NALCN: variants seen among roughly 807,000 people sequenced by gnomAD.
NALCN encodes the protein sodium leak channel, non-selective.
A neutral mutation model predicts 225.3 loss-of-function variants in NALCN; 111 were observed. That is an observed-to-expected ratio of 0.49 (90% CI 0.42 to 0.58). The LOEUF (loss-of-function observed/expected upper bound fraction) is 0.58. NALCN is among the 20% of genes least tolerant of loss of function. The pLI, the probability that NALCN is intolerant of heterozygous loss-of-function variation, is 0.00. For missense variants in NALCN, 1,378 were observed against 2,202.4 expected, an observed-to-expected ratio of 0.63 and a Z score of 7.49; for synonymous variants, 764 against 769.0, an observed-to-expected ratio of 0.99 and a Z score of 0.11.
At chr13:101,323,788 C>T (rs2044841524) in intron 7 of NALCN, among the ~76,000 whole-genome samples, 1 of 152,194 alleles carries the variant, frequency 6.6e-6, no homozygotes, top group African/African-American at 2.4e-5. Context: ...CATGTACTAA[C>T]ATGTAAGTTA....
At chr13:101,302,325 T>TTTAC (rs1264222427) in intron 7 of NALCN, among the ~76,000 whole-genome samples, 2 of 152,132 alleles carry the variant, frequency 1.3e-5, no homozygotes. Flanking sequence ...TATTTATTTA[T>TTTAC]TTTTAATAGG....
intron 3 of NALCN, among the ~76,000 whole-genome samples, chr13:101,382,148 T>C (rs1385404305): frequency 1.3e-5 from 2 of 152,200 alleles, no homozygotes; most frequent in African/African-American, 4.8e-5. Context: ...GTAGCAGCAC[T>C]ACAATTACCC....
chr13:101,395,625 C>T (rs535887998), intron 2 of NALCN, among the ~76,000 whole-genome samples: 26 of 152,230 alleles, frequency 1.7e-4, no homozygotes, highest in Non-Finnish European at 3.4e-4. Flanking sequence ...TGTGGCCATG[C>T]GTTACAAAGA....
At chr13:101,389,009 G>A (rs17623214) in intron 3 of NALCN, among the ~76,000 whole-genome samples, 4,872 of 152,270 alleles carry the variant, frequency 0.032, 118 homozygotes, top group East Asian at 0.11. Flanking sequence ...GGAGTACTGT[G>A]AATAACAGAG....
At chr13:101,360,183 TC>T (rs1781944074) in intron 6 of NALCN, among the ~76,000 whole-genome samples, 9 of 116,854 alleles carry the variant, frequency 7.7e-5, no homozygotes, top group Admixed American at 5.5e-4. Context: ...CCTCTCTTCC[TC>T]TCTTCCTCTC....
intron 6 of NALCN, among the ~76,000 whole-genome samples, chr13:101,354,855 G>GACTCCT (rs945458242): frequency 1.3e-5 from 2 of 152,004 alleles, no homozygotes; most frequent in Non-Finnish European, 2.9e-5. Context: ...ACATACTAAC[G>GACTCCT]ACTCCCTGAT....
Position 101,110,676 on chromosome 13 carries a change from ATGTC to A in NALCN, c.2303_2306del (p.Arg768MetfsTer17). 6.2e-7 allele frequency: 1 copy of A among 1,614,112 alleles called. No individual in the cohort carries two copies. The highest frequency in any genetic ancestry group is 8.5e-7 in the Non-Finnish European group (1 of 1,179,968). On this transcript the variant is annotated frameshift_variant, in exon 20 of 44. Transcript: ENST00000251127. LOFTEE classifies it high-confidence loss of function. Reference sequence around the variant, plus strand: ...TGCTGATCCTCTGGCTGTTTGATCCATGTCTTAGTGACCTAAAACAACCACAGGC... The same window carrying A: ...TGCTGATCCTCTGGCTGTTTGATCCATTAGTGACCTAAAACAACCACAGGC...
chr13:101,260,899 T>G (rs2042402712), intron 10 of NALCN, among the ~76,000 whole-genome samples: 2 of 152,202 alleles, frequency 1.3e-5, no homozygotes. Context: ...TGTCCATTTT[T>G]GCTTTGGTTG....
chr13:101,279,360 T>C (rs2043070510), intron 10 of NALCN, among the ~76,000 whole-genome samples: 1 of 152,156 alleles, frequency 6.6e-6, no homozygotes, highest in African/African-American at 2.4e-5. Flanking sequence ...AATGCATAAA[T>C]GCAGGAGTCT....
At chr13:101,093,686 G>T (rs1175919298) in intron 28 of NALCN, among the ~76,000 whole-genome samples, 2 of 152,148 alleles carry the variant, frequency 1.3e-5, no homozygotes, top group Non-Finnish European at 2.9e-5. Flanking sequence ...GGCACAACTG[G>T]CAGGTTTACT....
At chr13:101,214,520 G>C (rs917772946) in intron 13 of NALCN, among the ~76,000 whole-genome samples, 8 of 152,010 alleles carry the variant, frequency 5.3e-5, no homozygotes, top group East Asian at 3.9e-4. Context: ...GTGAACCTCA[G>C]TTTCTCATCC....
intron 18 of NALCN, among the ~76,000 whole-genome samples, chr13:101,114,449 C>CTA (rs2035604609): frequency 6.6e-6 from 1 of 152,114 alleles, no homozygotes; most frequent in South Asian, 2.1e-4. Context: ...CTCTCTCTCT[C>CTA]TCTCGCTGAC....
At chr13:101,152,175 A>G (rs1257852486) in intron 15 of NALCN, among the ~76,000 whole-genome samples, 1 of 152,220 alleles carries the variant, frequency 6.6e-6, no homozygotes, top group Non-Finnish European at 1.5e-5. Context: ...TGGTTAGCCT[A>G]TGGGCCATAA....
intron 6 of NALCN, among the ~76,000 whole-genome samples, chr13:101,348,157 A>C (rs972866264): frequency 6.6e-6 from 1 of 152,174 alleles, no homozygotes; most frequent in African/African-American, 2.4e-5. Context: ...CTCTGTCTAC[A>C]TGAAAAAGTT....
At chr13:101,107,368 A>G in intron 22 of NALCN, 119 bp downstream of exon 22, 2 of 1,510,776 alleles carry the variant, frequency 1.3e-6, no homozygotes, top group South Asian at 1.2e-5. Flanking sequence ...ATGATTAATT[A>G]GTCCGCAGTT....
chr13:101,409,143 A>G (rs2047706783), intron 1 of NALCN, among the ~76,000 whole-genome samples: 1 of 152,154 alleles, frequency 6.6e-6, no homozygotes, highest in African/African-American at 2.4e-5. Context: ...TACACACCAC[A>G]ATGCCCCAAT....
At chr13:101,291,723 AT>A (rs1054364097) in intron 9 of NALCN, among the ~76,000 whole-genome samples, 1 of 151,898 alleles carries the variant, frequency 6.6e-6, no homozygotes, top group East Asian at 1.9e-4. Flanking sequence ...AATTTTTAAA[AT>A]TTTTTTGTAG....
At chr13:101,397,255 C>A (rs2047336549) in intron 2 of NALCN, among the ~76,000 whole-genome samples, 2 of 150,066 alleles carry the variant, frequency 1.3e-5, no homozygotes, top group South Asian at 4.2e-4. Context: ...CTGGGAAGGA[C>A]AACAAAGAGT....
intron 12 of NALCN, among the ~76,000 whole-genome samples, chr13:101,233,498 G>A (rs759270959): frequency 2.2e-4 from 33 of 151,804 alleles, no homozygotes; most frequent in African/African-American, 7.5e-4. Flanking sequence ...CCACCACCAC[G>A]CCTGGCTAAT....
Sources: allele counts gnomAD v4.1 joint callset (sites outside exome capture counted in the v4.1 genomes callset), GRCh38; gene constraint gnomAD v4.1.1; transcripts MANE v1.5; gene names NCBI Gene and HGNC (gene_info 2026-07-23, HGNC 2026-07-21).